Variants in KCNIP4 observed in about 807,000 individuals in gnomAD.
The protein encoded by KCNIP4 is potassium voltage-gated channel interacting protein 4, also known as Kv channel-interacting protein 4.
KCNIP4 carries 12 observed loss-of-function variants against 34.0 expected under a neutral mutation model. The ratio of observed to expected loss-of-function variants is 0.35; its 90% CI spans 0.23 to 0.57. KCNIP4 has a LOEUF of 0.57. Ranked by LOEUF, KCNIP4 falls within the 20% of genes least tolerant of loss-of-function variation. The pLI is 0.83. For synonymous variants in KCNIP4, 124 were observed against 102.2 expected (o/e 1.21, Z -1.29); for missense variants, 238 against 311.7 (o/e 0.76, Z 1.78).
intron 3 of KCNIP4, among the ~76,000 whole-genome samples, chr4:20,770,873 T>G (rs2149378963): frequency 6.6e-6 from 1 of 152,224 alleles, no homozygotes; most frequent in Admixed American, 6.5e-5. Context: ...AGGCAGAGGT[T>G]GCAGTGAGCC....
At position 21,557,796 on chromosome 4, in the gene KCNIP4, C is replaced by T. The variant is rs139631252; in HGVS notation, c.61+390775G>A. 3.2e-4 allele frequency among the ~76,000 whole-genome samples: 49 copies of T among 152,236 alleles called. 1 individual carries two copies. The East Asian group carries it at 9.3e-3, about 29-fold the overall frequency. ...AATGATTTAAATTGATACACATAGG[C>T]CACTGGCACTGGGATTTCCATTTCC... On this transcript the variant is annotated intron_variant, in intron 1 of 8. Transcript: ENST00000382152.
At chr4:21,519,365 C>CGTATATGTATGTGTAT (rs1735070862) in intron 1 of KCNIP4, among the ~76,000 whole-genome samples, 122 of 149,922 alleles carry the variant, frequency 8.1e-4, no homozygotes, top group African/African-American at 2.9e-3. Context: ...CACACACACA[C>CGTATATGTATGTGTAT]ACACACACGT....
Position 21,114,410 on chromosome 4 carries a change from C to T in KCNIP4, c.62-231701G>A, listed in dbSNP as rs189330582. On this transcript the variant is annotated intron_variant, in intron 1 of 8. Transcript: ENST00000382152. ...ATCCAGGGGCCTAAATAAAATAGTA[C>T]GATCTAAAAATGCATGTGTTGCTTT... Among the ~76,000 whole-genome samples the T allele has an allele frequency of 6.3e-3, 951 of 152,064 alleles. 7 individuals are homozygous for T. Among genetic ancestry groups the T allele is most frequent in the Middle Eastern group, 0.017 (5 of 294 alleles).
chr4:21,861,684 A>T (rs1463297969), intron 1 of KCNIP4, among the ~76,000 whole-genome samples: 1 of 137,472 alleles, frequency 7.3e-6, no homozygotes, highest in Admixed American at 7.2e-5. Context: ...AAATCCCAGC[A>T]TCTACTTTCA....
chr4:21,866,282 A>G (rs1560773691), intron 1 of KCNIP4, among the ~76,000 whole-genome samples: 1 of 152,212 alleles, frequency 6.6e-6, no homozygotes, highest in Non-Finnish European at 1.5e-5. Context: ...TGCACAACTA[A>G]CTGAAATTTG....
chr4:21,752,742 T>C (rs1013662152), intron 1 of KCNIP4, among the ~76,000 whole-genome samples: 3 of 152,194 alleles, frequency 2.0e-5, no homozygotes, highest in African/African-American at 4.8e-5. Flanking sequence ...TTTAGGAGCC[T>C]GCTACTAGGA....
At chr4:21,461,982 T>C (rs572976193) in intron 1 of KCNIP4, among the ~76,000 whole-genome samples, 7 of 152,022 alleles carry the variant, frequency 4.6e-5, no homozygotes, top group Admixed American at 6.6e-5. Context: ...ATATAATGCA[T>C]GATGATCAAA....
intron 1 of KCNIP4, among the ~76,000 whole-genome samples, chr4:20,901,380 G>A (rs1727139788): frequency 6.6e-6 from 1 of 152,164 alleles, no homozygotes; most frequent in Non-Finnish European, 1.5e-5. Flanking sequence ...TAGCTTGTTA[G>A]CAATGCAGAA....
At chr4:21,318,230 G>T (rs1011113924) in intron 1 of KCNIP4, among the ~76,000 whole-genome samples, 1 of 152,192 alleles carries the variant, frequency 6.6e-6, no homozygotes, top group Non-Finnish European at 1.5e-5. Flanking sequence ...ATTCTCATTA[G>T]CTCATGTAAA....
intron 1 of KCNIP4, among the ~76,000 whole-genome samples, chr4:21,876,756 T>C (rs1214445199): frequency 6.6e-6 from 1 of 152,150 alleles, no homozygotes; most frequent in South Asian, 2.1e-4. Flanking sequence ...TATTTCATCA[T>C]AAAAAAGTGA....
At chr4:20,915,509 G>A (rs980572572) in intron 1 of KCNIP4, among the ~76,000 whole-genome samples, 4 of 152,026 alleles carry the variant, frequency 2.6e-5, no homozygotes. Flanking sequence ...TATTAATTTT[G>A]TTCTGCAAAA....
At chr4:20,961,412 G>A (rs2149660289) in intron 1 of KCNIP4, among the ~76,000 whole-genome samples, 1 of 152,140 alleles carries the variant, frequency 6.6e-6, no homozygotes, top group Admixed American at 6.5e-5. Context: ...GAATCTTATG[G>A]TTTTGAGAAA....
At chr4:21,042,477 A>T (rs1306872543) in intron 1 of KCNIP4, among the ~76,000 whole-genome samples, 3 of 152,186 alleles carry the variant, frequency 2.0e-5, no homozygotes, top group Non-Finnish European at 2.9e-5. Context: ...GAATCTAAAA[A>T]GTTGCTTTCA....
intron 1 of KCNIP4, among the ~76,000 whole-genome samples, chr4:21,762,505 A>G (rs1018138582): frequency 1.3e-5 from 2 of 152,142 alleles, no homozygotes; most frequent in African/African-American, 4.8e-5. Context: ...AGGCTCAATA[A>G]ATCTGGGCTG....
chr4:21,124,628 T>A (rs138747397), intron 1 of KCNIP4, among the ~76,000 whole-genome samples: 2 of 152,230 alleles, frequency 1.3e-5, no homozygotes, highest in Non-Finnish European at 2.9e-5. Flanking sequence ...TATTCCTGGA[T>A]CTGGCACTAA....
intron 1 of KCNIP4, among the ~76,000 whole-genome samples, chr4:21,897,826 G>A (rs1727485008): frequency 6.6e-6 from 1 of 152,150 alleles, no homozygotes; most frequent in Non-Finnish European, 1.5e-5. Flanking sequence ...CGCAGCACCT[G>A]GTTTTAACAT....
rs1243221687 is a variant in KCNIP4, at chr4:21,400,493, C to CT, written c.62-517785_62-517784insA. On this transcript the variant is annotated intron_variant, in intron 1 of 8. Transcript: ENST00000382152. Reference sequence around the variant, plus strand: ...CTCTCCTCTCCTCTCCTCTCCTCTCCCCTCCCTTCCCCTCCCTTCCTCTTC... The same window carrying CT: ...CTCTCCTCTCCTCTCCTCTCCTCTCCTCCTCCCTTCCCCTCCCTTCCTCTTC... Among the ~76,000 whole-genome samples the CT allele has an allele frequency of 3.9e-3, 546 of 139,858 alleles. 36 individuals are homozygous for CT. Among genetic ancestry groups the CT allele is most frequent in the African/African-American group, 0.015 (518 of 34,142 alleles). The allele number at this position is 139,858 out of a possible 152,430, so 91.8% of individuals were successfully genotyped here.
chr4:21,516,650 G>A (rs529582184), intron 1 of KCNIP4, among the ~76,000 whole-genome samples: 15 of 152,330 alleles, frequency 9.8e-5, no homozygotes, highest in South Asian at 4.1e-4. Context: ...CAGAAAATCT[G>A]TGCAGAACCC....
chr4:20,823,413 G>A (rs1560492246), intron 3 of KCNIP4, among the ~76,000 whole-genome samples: 1 of 152,270 alleles, frequency 6.6e-6, no homozygotes, highest in Non-Finnish European at 1.5e-5. Flanking sequence ...ATGTTATGGA[G>A]TGAATGAGTG....
Sources: allele counts gnomAD v4.1 joint callset (sites outside exome capture counted in the v4.1 genomes callset), GRCh38; gene constraint gnomAD v4.1.1; transcripts MANE v1.5; gene names NCBI Gene and HGNC (gene_info 2026-07-23, HGNC 2026-07-21).